Variants in FHIT observed in about 807,000 individuals in gnomAD.
FHIT encodes fragile histidine triad diadenosine triphosphatase, also known as bis(5'-adenosyl)-triphosphatase.
FHIT carries 19 observed loss-of-function variants against 17.9 expected under a neutral mutation model. The ratio of observed to expected loss-of-function variants is 1.06; its 90% confidence interval spans 0.74 to 1.56. The LOEUF (loss-of-function observed/expected upper bound fraction) is 1.56, where lower values mean the gene tolerates loss of function less well. Among genes scored for constraint, FHIT ranks in the 40% most tolerant of loss-of-function variants. The pLI is 0.00. For missense variants in FHIT, 248 were observed against 189.2 expected (o/e 1.31, Z -1.82); for synonymous variants, 81 against 69.7 (o/e 1.16, Z -0.81).
intron 2 of FHIT, among the ~76,000 whole-genome samples, chr3:61,095,337 C>G (rs2035605604): frequency 6.6e-6 from 1 of 152,190 alleles, no homozygotes. Context: ...AGGGCCCCCT[C>G]TGGGATTTCC....
intron 1 of FHIT, among the ~76,000 whole-genome samples, chr3:61,221,080 C>A (rs932701597): frequency 1.3e-5 from 2 of 149,496 alleles, no homozygotes; most frequent in Non-Finnish European, 3.0e-5. Context: ...ACAGACAAAT[C>A]AAATTCCATG....
intron 5 of FHIT, among the ~76,000 whole-genome samples, chr3:60,276,760 A>G (rs1309058646): frequency 6.6e-6 from 1 of 152,154 alleles, no homozygotes; most frequent in East Asian, 1.9e-4. Flanking sequence ...GGGAGCTTAC[A>G]ATCATGGCAG....
At chr3:60,409,788 A>T (rs2107220823) in intron 5 of FHIT, among the ~76,000 whole-genome samples, 1 of 152,270 alleles carries the variant, frequency 6.6e-6, no homozygotes, top group East Asian at 1.9e-4. Context: ...ACAACAATGC[A>T]ATTCATTCAG....
intron 5 of FHIT, among the ~76,000 whole-genome samples, chr3:60,048,987 G>A (rs1305015713): frequency 2.0e-5 from 3 of 152,118 alleles, no homozygotes; most frequent in Non-Finnish European, 4.4e-5. Flanking sequence ...AGTTGGGCAA[G>A]CTCCTTAACC....
intron 8 of FHIT, among the ~76,000 whole-genome samples, chr3:59,781,972 T>C (rs575077429): frequency 6.6e-6 from 1 of 152,296 alleles, no homozygotes; most frequent in South Asian, 2.1e-4. Context: ...TTGTCTAAAA[T>C]CTAGCTTTTA....
chr3:61,161,030 G>T (rs567199294), intron 2 of FHIT, among the ~76,000 whole-genome samples: 1 of 151,802 alleles, frequency 6.6e-6, no homozygotes, highest in African/African-American at 2.4e-5. Flanking sequence ...AAGGCTTTTT[G>T]AGCTGTTTAC....
At chr3:61,160,055 A>G (rs2037642103) in intron 2 of FHIT, among the ~76,000 whole-genome samples, 1 of 152,212 alleles carries the variant, frequency 6.6e-6, no homozygotes. Context: ...TTTCTATATC[A>G]CATTCAACAG....
intron 5 of FHIT, among the ~76,000 whole-genome samples, chr3:60,039,044 A>C (rs1701333115): frequency 6.6e-6 from 1 of 152,166 alleles, no homozygotes; most frequent in Non-Finnish European, 1.5e-5. Context: ...CGTGGCTGAG[A>C]CTAGGGCCAT....
chr3:60,042,180 A>G (rs3845973), intron 5 of FHIT, among the ~76,000 whole-genome samples: 52,632 of 152,102 alleles, frequency 0.35, 10,449 homozygotes, highest in Middle Eastern at 0.55. Flanking sequence ...AAAAGGCATT[A>G]GAAATTTATT....
chr3:59,919,932 T>C (rs540574748), intron 8 of FHIT, among the ~76,000 whole-genome samples: 90 of 152,312 alleles, frequency 5.9e-4, no homozygotes, highest in Admixed American at 9.8e-4. Context: ...TTCTGGACAC[T>C]GTGTTATTAG....
chr3:59,890,264 G>C (rs1703799155), intron 8 of FHIT, among the ~76,000 whole-genome samples: 1 of 152,070 alleles, frequency 6.6e-6, no homozygotes, highest in Non-Finnish European at 1.5e-5. Context: ...GTGGGAATTA[G>C]ATCTGCGTTC....
intron 4 of FHIT, among the ~76,000 whole-genome samples, chr3:60,566,042 T>G (rs561701965): frequency 6.6e-6 from 1 of 152,278 alleles, no homozygotes; most frequent in South Asian, 2.1e-4. Context: ...CAGGAGCACG[T>G]TGTTCAGTTT....
At chr3:60,305,675 T>TG (rs1708638189) in intron 5 of FHIT, among the ~76,000 whole-genome samples, 1 of 152,114 alleles carries the variant, frequency 6.6e-6, no homozygotes, top group Non-Finnish European at 1.5e-5. Context: ...AGATGAGGTA[T>TG]TTACATACAT....
At chr3:60,199,435 T>A (rs928638223) in intron 5 of FHIT, among the ~76,000 whole-genome samples, 1 of 152,172 alleles carries the variant, frequency 6.6e-6, no homozygotes, top group Non-Finnish European at 1.5e-5. Flanking sequence ...TGGGAGCCTT[T>A]GGAATCACAG....
chr3:59,762,999 A>G (rs1243917301), intron 8 of FHIT, among the ~76,000 whole-genome samples: 3 of 152,204 alleles, frequency 2.0e-5, no homozygotes, highest in African/African-American at 7.2e-5. Context: ...CATTTATTCA[A>G]AAAGCAATTT....
At chr3:60,296,290 T>A (rs1384594140) in intron 5 of FHIT, among the ~76,000 whole-genome samples, 1 of 152,074 alleles carries the variant, frequency 6.6e-6, no homozygotes, top group African/African-American at 2.4e-5. Flanking sequence ...ACCTCACAAC[T>A]TGAATAAAAA....
chr3:59,911,117 T>C (rs1460288675), intron 8 of FHIT, among the ~76,000 whole-genome samples: 4 of 152,238 alleles, frequency 2.6e-5, no homozygotes, highest in Non-Finnish European at 5.9e-5. Flanking sequence ...TGATTATTTG[T>C]GTACAGTGTT....
At chr3:60,502,253 G>A (rs1038101117) in intron 5 of FHIT, among the ~76,000 whole-genome samples, 2 of 152,036 alleles carry the variant, frequency 1.3e-5, no homozygotes, top group African/African-American at 4.8e-5. Flanking sequence ...CAGCAGCCTG[G>A]GAAAGATTAC....
At chr3:60,528,204 C>A (rs1006875940) in intron 5 of FHIT, among the ~76,000 whole-genome samples, 1 of 152,182 alleles carries the variant, frequency 6.6e-6, no homozygotes, top group Non-Finnish European at 1.5e-5. Context: ...CTCCTGGTCT[C>A]AAGTGATCCC....
Sources: allele counts gnomAD v4.1 joint callset (sites outside exome capture counted in the v4.1 genomes callset), GRCh38; gene constraint gnomAD v4.1.1; transcripts MANE v1.5; gene names NCBI Gene and HGNC (gene_info 2026-07-23, HGNC 2026-07-21).